Variants in BNC2 observed in about 807,000 individuals in gnomAD.
The protein encoded by BNC2 is basonuclin zinc finger protein 2, also known as zinc finger protein basonuclin-2.
In BNC2, 20 loss-of-function variants were observed where a neutral mutation model predicts 76.3. That is an observed-to-expected ratio of 0.26 (90% confidence interval 0.18 to 0.38). BNC2 has a LOEUF of 0.38. Ranked by LOEUF, BNC2 falls within the 10% of genes least tolerant of loss-of-function variation. The pLI is 1.00. For synonymous variants in BNC2, 582 were observed against 514.8 expected, an observed-to-expected ratio of 1.13 and a Z score of -1.77; for missense variants, 1,382 against 1,399.8, an observed-to-expected ratio of 0.99 and a Z score of 0.20.
At chr9:16,816,474 G>C (rs1818185254) in intron 1 of BNC2, among the ~76,000 whole-genome samples, 1 of 152,162 alleles carries the variant, frequency 6.6e-6, no homozygotes, top group African/African-American at 2.4e-5. Flanking sequence ...ACTGAACTGA[G>C]TTTGTTCTAG....
intron 1 of BNC2, among the ~76,000 whole-genome samples, chr9:16,823,174 T>TA (rs1563959393): frequency 6.6e-6 from 1 of 152,148 alleles, no homozygotes; most frequent in African/African-American, 2.4e-5. Flanking sequence ...AATAGTTTAT[T>TA]AAAAAACAAA....
rs904627333 is a variant in BNC2, at chr9:16,418,957, G to A, written c.*32C>T. On this transcript the variant is annotated 3_prime_UTR_variant, in exon 7 of 7. Transcript: ENST00000380672. ...AGTTCAAACACGTAGGCCATCTGGT[G>A]AGAGCTGGCATTTGTAGTGTCCATT... The A allele has an allele frequency of 6.2e-7, 1 of 1,610,622 alleles. No homozygotes were observed. Among genetic ancestry groups the A allele is most frequent in the African/African-American group, 1.3e-5 (1 of 74,884 alleles).
Position 16,793,885 on chromosome 9 carries a change from G to C in BNC2, c.4-55400C>G, listed in dbSNP as rs57041923. 7.3e-5 allele frequency among the ~76,000 whole-genome samples: 5 copies of C among 68,516 alleles called. No individual in the cohort carries two copies. The East Asian group carries it at 1.5e-3, about 20-fold the overall frequency. The allele number at this position is 68,516 out of a possible 152,430, so 44.9% of individuals were successfully genotyped here. ...GTTTTTTTGTTTTTTTTTTTTTTTA[G>C]TAGAGACGGAGTTTCACCGTGTTAG... On this transcript the variant is annotated intron_variant, in intron 1 of 6. Coordinates refer to ENST00000380672, the MANE Select transcript of BNC2 (RefSeq NM_017637.6).
chr9:16,836,635 C>T (rs1433730544), intron 1 of BNC2, among the ~76,000 whole-genome samples: 2 of 152,016 alleles, frequency 1.3e-5, no homozygotes, highest in East Asian at 1.9e-4. Context: ...TCTAAGTGAA[C>T]CCTCCTCACC....
At chr9:16,859,963 T>C (rs1378884379) in intron 1 of BNC2, among the ~76,000 whole-genome samples, 2 of 151,996 alleles carry the variant, frequency 1.3e-5, no homozygotes, top group East Asian at 3.9e-4. Flanking sequence ...CTACTAAAAA[T>C]ACAAAAAAAT....
chr9:16,452,570 C>T (rs913734765), intron 5 of BNC2, among the ~76,000 whole-genome samples: 40 of 152,042 alleles, frequency 2.6e-4, no homozygotes, highest in African/African-American at 8.7e-4. Context: ...CTGCCATGCC[C>T]GGCTAATTTT....
intron 3 of BNC2, among the ~76,000 whole-genome samples, chr9:16,698,496 G>C (rs1224992647): frequency 6.6e-6 from 1 of 152,162 alleles, no homozygotes; most frequent in African/African-American, 2.4e-5. Flanking sequence ...TTAGAGATCA[G>C]CCTGACCAAC....
rs1821042720 is a variant in BNC2 at position 16,437,470 on chromosome 9, T to C, written c.724A>G (p.Ile242Val). 2 of 1,613,676 alleles carry C rather than the reference T, an allele frequency of 1.2e-6. No individual in the cohort carries two copies. The highest frequency in any genetic ancestry group is 1.3e-5 in the African/African-American group (1 of 74,924). The change falls in exon 6 of 7, where the codon ATC becomes GTC. Residue 242 changes from isoleucine to valine, a missense_variant. Physicochemically the swap from Ile to Val is conservative, Grantham distance 29. This residue lies in a region of BNC2 where 557 missense variants were observed against 540.9 expected (regional missense o/e 1.03). Coordinates refer to ENST00000380672, the MANE Select transcript of BNC2 (RefSeq NM_017637.6). ...RWAIMSREEE[I>V]ITLQQFLRFG... ...CGCAGAAACTGCTGAAGGGTGATGA[T>C]TTCCTCTTCTCGAGACATGATGGCC...
At chr9:16,504,184 A>T (rs1191528353) in intron 5 of BNC2, among the ~76,000 whole-genome samples, 1 of 152,150 alleles carries the variant, frequency 6.6e-6, no homozygotes, top group East Asian at 1.9e-4. Flanking sequence ...CTGTATGTGA[A>T]AATGCTTATA....
intron 1 of BNC2, among the ~76,000 whole-genome samples, chr9:16,866,805 G>A (rs1427146884): frequency 1.3e-5 from 2 of 151,902 alleles, no homozygotes; most frequent in African/African-American, 2.4e-5. Flanking sequence ...AAATCATGAG[G>A]CTCCCTCTAG....
chr9:16,603,089 C>A (rs1820288153), intron 3 of BNC2, among the ~76,000 whole-genome samples: 2 of 152,174 alleles, frequency 1.3e-5, no homozygotes, highest in South Asian at 4.1e-4. Flanking sequence ...CTGATGGTTA[C>A]CCTTTATGCC....
At chr9:16,730,211 G>A (rs924029491) in intron 2 of BNC2, among the ~76,000 whole-genome samples, 1 of 152,078 alleles carries the variant, frequency 6.6e-6, no homozygotes, top group African/African-American at 2.4e-5. Context: ...GAAATTCCCC[G>A]TGGACCGGGC....
chr9:16,664,252 C>G (rs961607378), intron 3 of BNC2, among the ~76,000 whole-genome samples: 4 of 152,134 alleles, frequency 2.6e-5, no homozygotes, highest in African/African-American at 9.7e-5. Flanking sequence ...CCAAGGTTGT[C>G]CCTCCTTTCC....
chr9:16,743,831 G>A (rs575285823), intron 1 of BNC2, among the ~76,000 whole-genome samples: 5 of 152,216 alleles, frequency 3.3e-5, no homozygotes, highest in African/African-American at 9.6e-5. Flanking sequence ...AGAGGCTTAT[G>A]GTGTCAAAGG....
At chr9:16,538,880 T>C (rs1818208504) in intron 5 of BNC2, among the ~76,000 whole-genome samples, 1 of 152,202 alleles carries the variant, frequency 6.6e-6, no homozygotes, top group African/African-American at 2.4e-5. Context: ...TTACATATAA[T>C]TAATGACTGC....
chr9:16,748,447 G>A (rs1481151542), intron 1 of BNC2, among the ~76,000 whole-genome samples: 1 of 152,094 alleles, frequency 6.6e-6, no homozygotes, highest in Non-Finnish European at 1.5e-5. Flanking sequence ...CGGGGTGGTC[G>A]AGGCTACAGT....
At chr9:16,801,428 G>A (rs1376407222) in intron 1 of BNC2, among the ~76,000 whole-genome samples, 2 of 151,474 alleles carry the variant, frequency 1.3e-5, no homozygotes, top group South Asian at 4.2e-4. Flanking sequence ...AGTAGAGATG[G>A]GGTTTCACCA....
chr9:16,677,578 A>AACAAACACACACACACACACACACAC (rs1554706101), intron 3 of BNC2, among the ~76,000 whole-genome samples: 2 of 139,256 alleles, frequency 1.4e-5, no homozygotes, highest in African/African-American at 5.6e-5. Context: ...GTCTCAAACA[A>AACAAACACACACACACACACACACAC]ACACACACAC....
intron 1 of BNC2, among the ~76,000 whole-genome samples, chr9:16,783,830 T>C (rs1199271102): frequency 1.3e-5 from 2 of 152,210 alleles, no homozygotes; most frequent in Non-Finnish European, 2.9e-5. Context: ...TCCCTAACCT[T>C]TGGCTAACTG....
Sources: gnomAD v4.1 joint callset for allele counts (sites outside exome capture counted in the v4.1 genomes callset) on GRCh38, gnomAD v4.1.1 for gene constraint, gnomAD v4.1.1 regional missense constraint, MANE v1.5 for transcripts, NCBI Gene and HGNC (gene_info 2026-07-23, HGNC 2026-07-21) for gene names.